Variants in NAV3 observed in about 807,000 individuals in gnomAD.
NAV3 encodes the protein pore membrane and/or filament interacting like protein 1.
Under a neutral mutation model 244.7 loss-of-function variants are expected in NAV3, and 87 were observed. The ratio of observed to expected loss-of-function variants is 0.36; its 90% CI spans 0.30 to 0.42. The LOEUF (loss-of-function observed/expected upper bound fraction) is 0.42, where lower values mean the gene tolerates loss of function less well. NAV3 is among the 20% of genes least tolerant of loss of function. The pLI is 1.00. For missense variants in NAV3, 2,663 were observed against 2,893.3 expected (o/e 0.92, Z 1.83); for synonymous variants, 1,126 against 1,042.2 (o/e 1.08, Z -1.55).
intron 9 of NAV3, among the ~76,000 whole-genome samples, chr12:78,028,636 T>C (rs1215411967): frequency 6.6e-6 from 1 of 151,980 alleles, no homozygotes; most frequent in Non-Finnish European, 1.5e-5. Context: ...TTTCAGGGAG[T>C]GAATTTCTTA....
chr12:78,122,300 C>T lies in NAV3; in HGVS notation c.4110C>T (p.His1370=), dbSNP rs2138700061. 1 of 1,614,196 alleles carries T rather than the reference C, an allele frequency of 6.2e-7. No homozygotes were observed. The highest frequency in any genetic ancestry group is 8.5e-7 in the Non-Finnish European group (1 of 1,180,034). ...TPSYQSMTSL[H]TSSESIDLPL... Reference sequence around the variant, plus strand: ...GCTACCAGTCCATGACTAGCCTCCACACGAGCTCTGAGTCCATTGACCTCC... The same window carrying T: ...GCTACCAGTCCATGACTAGCCTCCATACGAGCTCTGAGTCCATTGACCTCC... Residue 1370 remains histidine (H), a synonymous_variant, in exon 16 of 40, where the codon CAC becomes CAT. Coordinates refer to ENST00000397909, the MANE Select transcript of NAV3 (RefSeq NM_001024383.2).
chr12:78,068,931 C>T (rs1952616189), intron 12 of NAV3, among the ~76,000 whole-genome samples: 1 of 151,110 alleles, frequency 6.6e-6, no homozygotes, highest in African/African-American at 2.4e-5. Context: ...TATATCTATA[C>T]ATGAAACACT....
At chr12:78,054,385 G>C (rs1022538817) in intron 11 of NAV3, among the ~76,000 whole-genome samples, 1 of 152,112 alleles carries the variant, frequency 6.6e-6, no homozygotes, top group Non-Finnish European at 1.5e-5. Context: ...TATTTTGACA[G>C]ACCTTAACAT....
At chr12:78,074,457 T>C (rs1952942265) in intron 12 of NAV3, among the ~76,000 whole-genome samples, 1 of 152,126 alleles carries the variant, frequency 6.6e-6, no homozygotes, top group Non-Finnish European at 1.5e-5. Flanking sequence ...ATCCCAGCAC[T>C]TTGGGAGGCC....
intron 1 of NAV3, among the ~76,000 whole-genome samples, chr12:77,879,725 C>A (rs374356020): frequency 1.4e-5 from 2 of 147,158 alleles, no homozygotes; most frequent in Admixed American, 6.8e-5. Flanking sequence ...TATTTCACAG[C>A]TATAAAACTA....
chr12:77,946,442 A>G (rs1362397197), intron 3 of NAV3, among the ~76,000 whole-genome samples: 1 of 152,032 alleles, frequency 6.6e-6, no homozygotes, highest in Non-Finnish European at 1.5e-5. Context: ...TTACTGAGAT[A>G]TTGTGGTTCA....
At chr12:77,945,270 G>A (rs577209271) in intron 3 of NAV3, among the ~76,000 whole-genome samples, 1 of 152,252 alleles carries the variant, frequency 6.6e-6, no homozygotes, top group African/African-American at 2.4e-5. Flanking sequence ...AGTCCTAAAG[G>A]AAGTAGAAGA....
chr12:77,837,188 G>C (rs1408084269), intron 1 of NAV3, among the ~76,000 whole-genome samples: 6 of 151,128 alleles, frequency 4.0e-5, no homozygotes, highest in Non-Finnish European at 7.4e-5. Context: ...CAGATATATA[G>C]AGTAAAAACA....
upstream of NAV3, among the ~76,000 whole-genome samples, chr12:77,829,566 A>G (rs12231296): frequency 0.021 from 3,207 of 152,312 alleles, 69 homozygotes; most frequent in East Asian, 0.12. Context: ...TCTGAAAGTT[A>G]TAATGTGTTG....
At chr12:78,208,458 G>A (rs1960559577) in intron 39 of NAV3, among the ~76,000 whole-genome samples, 2 of 152,170 alleles carry the variant, frequency 1.3e-5, no homozygotes, top group Admixed American at 1.3e-4. Context: ...AAGTGGGGAA[G>A]AAGAGAGGAA....
chr12:77,769,083 A>G (rs1031098432), intron 2 of NAV3, among the ~76,000 whole-genome samples: 5 of 152,194 alleles, frequency 3.3e-5, no homozygotes, highest in African/African-American at 1.2e-4. Context: ...TTGCCATTTT[A>G]AAATTGGGAA....
chr12:77,916,744 A>G (rs781765964), intron 1 of NAV3, among the ~76,000 whole-genome samples: 1 of 152,090 alleles, frequency 6.6e-6, no homozygotes, highest in Non-Finnish European at 1.5e-5. Context: ...CATTATGATC[A>G]GACAACAGAA....
chr12:77,958,576 A>G (rs1891584938), intron 3 of NAV3, among the ~76,000 whole-genome samples: 1 of 152,210 alleles, frequency 6.6e-6, no homozygotes, highest in Non-Finnish European at 1.5e-5. Flanking sequence ...TCTTTAGGGC[A>G]TTATGATAAG....
intron 2 of NAV3, among the ~76,000 whole-genome samples, chr12:77,610,944 T>C (rs1870884361): frequency 2.0e-5 from 3 of 151,520 alleles, no homozygotes; most frequent in Admixed American, 6.6e-5. Flanking sequence ...AAACTAAACC[T>C]TTGGGAATAC....
rs1174015601 is a variant in NAV3, at chr12:77,775,407, G to A, written c.73-164912G>A. Among the ~76,000 whole-genome samples, 21 of 147,590 alleles carry A rather than the reference G, an allele frequency of 1.4e-4. No individual in the cohort carries two copies. The East Asian group carries it at 3.4e-3, about 24-fold the overall frequency. On this transcript the variant is annotated intron_variant, in intron 2 of 8. Transcript: ENST00000550042. ...AAGTCCATCTTGAAAAAAAAAAAAA[G>A]AAAAAAGTGTGTCATTTTTTGGCTC...
Position 77,660,647 on chromosome 12 carries a change from A to T in NAV3, c.72+88381A>T, listed in dbSNP as rs542815875. On this transcript the variant is annotated intron_variant, in intron 2 of 8. Coordinates refer to the NAV3 transcript ENST00000550042. ...ATGTATATTATATACGTGCATATAT[A>T]CAGACATGTTTAGGTATAAGTATGT... 7.2e-5 allele frequency among the ~76,000 whole-genome samples: 11 copies of T among 152,306 alleles called. No individual in the cohort carries two copies. The South Asian group carries it at 2.3e-3, about 32-fold the overall frequency.
chr12:77,705,038 T>A (rs1346304416), intron 2 of NAV3, among the ~76,000 whole-genome samples: 1 of 152,224 alleles, frequency 6.6e-6, no homozygotes, highest in Non-Finnish European at 1.5e-5. Flanking sequence ...AGTAGTCTCA[T>A]TTTAGCTCTG....
intron 12 of NAV3, 143 bp from the exon 13 acceptor site, chr12:78,116,629 A>G: frequency 1.1e-6 from 1 of 935,958 alleles, no homozygotes; most frequent in Non-Finnish European, 1.5e-6. Context: ...TGATTTTCCC[A>G]AAATGTGAAA....
intron 2 of NAV3, among the ~76,000 whole-genome samples, chr12:77,637,736 G>A (rs1458434541): frequency 2.6e-5 from 4 of 152,052 alleles, no homozygotes; most frequent in Admixed American, 6.5e-5. Flanking sequence ...TCTTCTAAAT[G>A]CCTAATTTAA....
Sources: allele counts gnomAD v4.1 joint callset (sites outside exome capture counted in the v4.1 genomes callset), GRCh38; gene constraint gnomAD v4.1.1; transcripts MANE v1.5; gene names NCBI Gene and HGNC (gene_info 2026-07-23, HGNC 2026-07-21).